TLN1: variants seen among roughly 807,000 people sequenced by gnomAD.
The protein encoded by TLN1 is talin-1.
A neutral mutation model predicts 292.3 loss-of-function variants in TLN1; 56 were observed. That is an observed-to-expected ratio of 0.19 (90% CI 0.15 to 0.24). The LOEUF is 0.24. TLN1 is among the 10% of genes least tolerant of loss of function. TLN1 has a pLI of 1.00. For synonymous variants in TLN1, 1,119 were observed against 1,253.7 expected (o/e 0.89, Z 2.27); for missense variants, 2,433 against 3,248.2 (o/e 0.75, Z 6.10).
intron 16 of TLN1, 22 bp from the exon 17 acceptor site, chr9:35,718,932 C>T (rs1825833659): frequency 6.2e-7 from 1 of 1,608,308 alleles, no homozygotes; most frequent in South Asian, 1.1e-5. Flanking sequence ...GAACACCAGT[C>T]AGAAGCTGCC....
rs550761551 is a variant in TLN1 at position 35,713,303 on chromosome 9, G to C, written c.3250-5C>G. The C allele has an allele frequency of 6.3e-6, 10 of 1,580,382 alleles. No individual in the cohort carries two copies. The South Asian group carries it at 1.1e-4, about 18-fold the overall frequency. On this transcript the variant is annotated splice_polypyrimidine_tract_variant and splice_region_variant and intron_variant, in intron 25 of 56. Transcript: ENST00000314888. ...GTCCTGGGTACACTTCTCCATCTAA[G>C]GATGAAGGGGGAAGAATTGGGCTTG...
rs1458939089 is a variant in TLN1 at position 35,719,558 on chromosome 9, T to C, written c.1648A>G (p.Ile550Val). 2.5e-6 allele frequency: 4 copies of C among 1,614,236 alleles called. No individual in the cohort carries two copies. The highest frequency in any genetic ancestry group is 1.1e-5 in the South Asian group (1 of 91,088). The change falls in exon 15 of 57, where the codon ATC becomes GTC. Residue 550 changes from isoleucine to valine, a missense_variant. Transcript: ENST00000314888. This position sits in a 1 kb window ranked among gnomAD's most constrained non-coding sequence, Gnocchi z 4.6. ...ACCACAGACGCAGTACCAGCTGTGATGGCATCTACCTGAGAGTGGATCTCA... is the reference window on the plus strand; with the variant it reads ...ACCACAGACGCAGTACCAGCTGTGACGGCATCTACCTGAGAGTGGATCTCA... ...KHEIHSQVDA[I>V]TAGTASVVNL...
At position 35,699,870 on chromosome 9, in the gene TLN1, G is replaced by C. The variant is rs1825432021; in HGVS notation, c.6768+104C>G. Reference sequence around the variant, plus strand: ...GATTTGGGAAGTAGAGGGTGGGGTAGGGAGGAGATCTGAGCAAAACAGACA... The same window carrying C: ...GATTTGGGAAGTAGAGGGTGGGGTACGGAGGAGATCTGAGCAAAACAGACA... On this transcript the variant is annotated intron_variant, in intron 50 of 56. Coordinates refer to ENST00000314888, the MANE Select transcript of TLN1 (RefSeq NM_006289.4). The surrounding 1 kb of genome is among the most constrained non-coding windows in gnomAD (Gnocchi z 4.0). 3 of 1,241,068 alleles carry C rather than the reference G, an allele frequency of 2.4e-6. No individual in the cohort carries two copies. The highest frequency in any genetic ancestry group is 4.9e-5 in the Admixed American group (2 of 40,520). 76.9% of individuals were successfully genotyped at this position (1,241,068 alleles called of 1,614,324 possible). A position where few individuals can be genotyped will look rare whatever the true frequency, so the allele number is the denominator to read the frequency against.
At position 35,714,793 on chromosome 9, in the gene TLN1, G is replaced by A. The variant is rs749311766; in HGVS notation, c.2838C>T (p.Ala946=). The change falls in exon 22 of 57, where the codon GCC becomes GCT. Residue 946 remains alanine (A), a synonymous_variant. Transcript: ENST00000314888. This position sits in a 1 kb window ranked among gnomAD's most constrained non-coding sequence, Gnocchi z 4.6. ...TCTGCACCAGCAGGGGCTGGGGGCC[G>A]GCAGAGGCCTTGGGGGTAGAGGCTG... ...QHAASTPKAS[A]GPQPLLVQSC... 30 of 1,584,276 alleles carry A rather than the reference G, an allele frequency of 1.9e-5. No individual in the cohort carries two copies. Among genetic ancestry groups the A allele is most frequent in the South Asian group, 3.5e-5 (3 of 85,514 alleles).
chr9:35,715,200 T>A lies in TLN1; in HGVS notation c.2626-13A>T. 1 of 1,606,890 alleles carries A rather than the reference T, an allele frequency of 6.2e-7. No individual in the cohort carries two copies. Among genetic ancestry groups the A allele is most frequent in the Non-Finnish European group, 8.5e-7 (1 of 1,179,544 alleles). On this transcript the variant is annotated splice_polypyrimidine_tract_variant and intron_variant, in intron 20 of 56. Transcript: ENST00000314888. ...GGGCAGCTGCTCCCTGAGGGAGAGGTGGAAAGACAGTCATCACCCAGCTCT... is the reference window on the plus strand; with the variant it reads ...GGGCAGCTGCTCCCTGAGGGAGAGGAGGAAAGACAGTCATCACCCAGCTCT...
At position 35,715,643 on chromosome 9, in the gene TLN1, A is replaced by G. The variant is rs1018015534; in HGVS notation, c.2626-456T>C. Among the ~76,000 whole-genome samples, 4 of 152,240 alleles carry G rather than the reference A, an allele frequency of 2.6e-5. No homozygotes were observed. In the East Asian group the frequency reaches 5.8e-4, roughly 22 times the overall value. ...GCTGGTGTCTCAGTGTCCTGCTGGC[A>G]GCAGAGGCCCCAGAGACTGAATGCC... On this transcript the variant is annotated intron_variant, in intron 20 of 56. Coordinates refer to ENST00000314888, the MANE Select transcript of TLN1 (RefSeq NM_006289.4).
At position 35,722,218 on chromosome 9, in the gene TLN1, G is replaced by C; in HGVS notation, c.849C>G (p.His283Gln). Residue 283 changes from histidine to glutamine, a missense_variant, in exon 9 of 57, where the codon CAC becomes CAG. Coordinates refer to ENST00000314888, the MANE Select transcript of TLN1 (RefSeq NM_006289.4). Reference protein sequence around the residue: ...QKGERKIFQAHKNCGQMSEIE... With the variant: ...QKGERKIFQAQKNCGQMSEIE... Reference sequence around the variant, plus strand: ...TCTCACTCATCTGCCCACAATTCTTGTGTGCCTGTGCATAAAATGGGGAAG... The same window carrying C: ...TCTCACTCATCTGCCCACAATTCTTCTGTGCCTGTGCATAAAATGGGGAAG... 2.5e-6 allele frequency: 4 copies of C among 1,614,060 alleles called. No individual in the cohort carries two copies. Among genetic ancestry groups the C allele is most frequent in the Non-Finnish European group, 3.4e-6 (4 of 1,179,902 alleles).
At position 35,724,942 on chromosome 9, in the gene TLN1, C is replaced by T. The variant is rs771623677; in HGVS notation, c.246G>A (p.Arg82=). 2 of 1,614,022 alleles carry T rather than the reference C, an allele frequency of 1.2e-6. No individual in the cohort carries two copies. The highest frequency in any genetic ancestry group is 1.3e-5 in the African/African-American group (1 of 74,910). ...MLRNGDTMEY[R]KKQRPLKIRM... ...GGATCTTCAGGGGTCTCTGTTTCTTCCTGTACTCCATAGTGTCCTGTTAGG... is the reference window on the plus strand; with the variant it reads ...GGATCTTCAGGGGTCTCTGTTTCTTTCTGTACTCCATAGTGTCCTGTTAGG... Residue 82 remains arginine, a synonymous_variant, in exon 4 of 57, where the codon AGG becomes AGA. Coordinates refer to ENST00000314888, the MANE Select transcript of TLN1 (RefSeq NM_006289.4). The surrounding 1 kb of genome is among the most constrained non-coding windows in gnomAD (Gnocchi z 4.7).
chr9:35,716,714 AT>A (rs201679538), intron 19 of TLN1, among the ~76,000 whole-genome samples, 158 bp from the exon 20 acceptor site: 1 of 151,868 alleles, frequency 6.6e-6, no homozygotes, highest in Non-Finnish European at 1.5e-5. Flanking sequence ...CTTTGGGGCT[AT>A]TTTTTTTCTG....
chr9:35,722,734 G>A, intron 8 of TLN1, 127 bp downstream of exon 8: 1 of 876,170 alleles, frequency 1.1e-6, no homozygotes, highest in Middle Eastern at 2.2e-4. Context: ...GGTGAGGTGG[G>A]ATAACAGCCC....
chr9:35,704,814 A>G lies in TLN1; in HGVS notation c.5735T>C (p.Ile1912Thr), dbSNP rs1268198953. Reference protein sequence around the residue: ...PAAVAAENEEIGSHIKHRVQE... With the variant: ...PAAVAAENEETGSHIKHRVQE... ...TACCCGGTGTTTGATATGGGAACCT[A>G]TCTGTGAGCCAAGGGAAAGACAGAT... is the stretch of plus-strand genomic sequence containing the variant. Residue 1912 changes from isoleucine to threonine, a missense_variant and splice_region_variant, in exon 44 of 57, where the codon ATA (isoleucine) becomes ACA (threonine). Ile to Thr is a moderately conservative substitution (Grantham distance 89). Around this residue, in one of 7 missense-constraint regions of TLN1, gnomAD observed 1,384 missense variants for 1,699.6 expected, o/e 0.81. Transcript: ENST00000314888. This position sits in a 1 kb window ranked among gnomAD's most constrained non-coding sequence, Gnocchi z 6.9. 3 of 1,613,080 alleles carry G rather than the reference A, an allele frequency of 1.9e-6. No individual in the cohort carries two copies. Among genetic ancestry groups the G allele is most frequent in the Middle Eastern group, 1.7e-4 (1 of 6,052 alleles).
chr9:35,721,573 G>A (rs1168914473), intron 10 of TLN1, 75 bp downstream of exon 10: 3 of 1,522,428 alleles, frequency 2.0e-6, no homozygotes, highest in African/African-American at 2.7e-5. Context: ...TACCCCAAGA[G>A]AGGGAAGAGA....
At chr9:35,705,909 G>A (rs1825557260) in intron 41 of TLN1, 53 bp downstream of exon 41, 4 of 1,614,122 alleles carry the variant, frequency 2.5e-6, no homozygotes, top group Non-Finnish European at 3.4e-6. Context: ...ACTGTGCTTG[G>A]AGGCTCTGGC....
Position 35,714,494 on chromosome 9 carries a change from G to A in TLN1, c.2985+80C>T, listed in dbSNP as rs1363550921. 1 of 1,583,862 alleles carries A rather than the reference G, an allele frequency of 6.3e-7. No homozygotes were observed. Among genetic ancestry groups the A allele is most frequent in the African/African-American group, 1.3e-5 (1 of 74,648 alleles). Reference sequence around the variant, plus strand: ...CTTGGTATTGGGAAAGAGGCTCTTGGCAGAGATTCAAACTGTGGGAGATGG... The same window carrying A: ...CTTGGTATTGGGAAAGAGGCTCTTGACAGAGATTCAAACTGTGGGAGATGG... On this transcript the variant is annotated intron_variant, in intron 23 of 56. Transcript: ENST00000314888. This position sits in a 1 kb window ranked among gnomAD's most constrained non-coding sequence, Gnocchi z 4.6.
chr9:35,703,224 G>A (rs1182059502), intron 48 of TLN1, among the ~76,000 whole-genome samples: 1 of 152,210 alleles, frequency 6.6e-6, no homozygotes, highest in African/African-American at 2.4e-5. Context: ...TTGAACCTGG[G>A]AGGTGGAGGT....
Position 35,699,921 on chromosome 9 carries a change from G to A in TLN1, c.6768+53C>T. On this transcript the variant is annotated intron_variant, in intron 50 of 56. Transcript: ENST00000314888. The surrounding 1 kb of genome is among the most constrained non-coding windows in gnomAD (Gnocchi z 4.0). Reference sequence around the variant, plus strand: ...GCAGGGTGCGAGGCCTGCAGGAAGAGGGCTGTGTATTCAGGGAGGCTGGTA... The same window carrying A: ...GCAGGGTGCGAGGCCTGCAGGAAGAAGGCTGTGTATTCAGGGAGGCTGGTA... 6.5e-7 allele frequency: 1 copy of A among 1,541,880 alleles called. No individual in the cohort carries two copies. Among genetic ancestry groups the A allele is most frequent in the East Asian group, 2.3e-5 (1 of 44,018 alleles).
chr9:35,707,318 C>G lies in TLN1; in HGVS notation c.4773+30G>C. On this transcript the variant is annotated intron_variant, in intron 36 of 56. Coordinates refer to ENST00000314888, the MANE Select transcript of TLN1 (RefSeq NM_006289.4). This position sits in a 1 kb window ranked among gnomAD's most constrained non-coding sequence, Gnocchi z 5.6. ...CCTGGAAGATGAGGTGATAAGCTGG[C>G]CCATCAGTTCCCCCTTCACATCGCC... 6.2e-7 allele frequency: 1 copy of G among 1,610,612 alleles called. No homozygotes were observed. Among genetic ancestry groups the G allele is most frequent in the Non-Finnish European group, 8.5e-7 (1 of 1,177,360 alleles).
rs757869013 is a variant in TLN1, at chr9:35,704,047, C to A, written c.6175G>T (p.Ala2059Ser). Residue 2059 changes from alanine to serine, a missense_variant, in exon 46 of 57, where the codon GCT (alanine) becomes TCT (serine). Transcript: ENST00000314888. The surrounding 1 kb of genome is among the most constrained non-coding windows in gnomAD (Gnocchi z 6.9). ...QSSVATITRL[A>S]DVVKLGAASL... ...GCTGCACCCAGCTTGACCACATCAG[C>A]GAGGCGGGTGATGGTCGCCACGGAG... is the stretch of plus-strand genomic sequence containing the variant. 1.2e-6 allele frequency: 2 copies of A among 1,613,850 alleles called. No homozygotes were observed. The highest frequency in any genetic ancestry group is 2.2e-5 in the South Asian group (2 of 91,054).
At position 35,697,810 on chromosome 9, in the gene TLN1, T is replaced by C. The variant is rs754964639; in HGVS notation, c.7607A>G (p.Glu2536Gly). Reference sequence around the variant, plus strand: ...GCTTCTTTAGTGCTCATCTCGAAGCTCTGAAGGCAGAAACTTGTACTGCTG... The same window carrying C: ...GCTTCTTTAGTGCTCATCTCGAAGCCCTGAAGGCAGAAACTTGTACTGCTG... ...RQQQYKFLPS[E>G]LRDEH Residue 2536 changes from glutamate (E) to glycine (G), a missense_variant, in exon 57 of 57, where the codon GAG (glutamate) becomes GGG (glycine). By Grantham distance (98) the Glu-to-Gly change is moderately conservative. Around this residue, in one of 7 missense-constraint regions of TLN1, gnomAD observed 141 missense variants for 248.5 expected, o/e 0.57. Coordinates refer to ENST00000314888, the MANE Select transcript of TLN1 (RefSeq NM_006289.4). The C allele has an allele frequency of 3.2e-5, 52 of 1,613,980 alleles. No individual in the cohort carries two copies. The highest frequency in any genetic ancestry group is 3.0e-4 in the Admixed American group (18 of 60,004).
Sources: allele counts gnomAD v4.1 joint callset (sites outside exome capture counted in the v4.1 genomes callset), GRCh38; gene constraint gnomAD v4.1.1; regional missense constraint gnomAD v4.1.1; non-coding constraint Gnocchi (gnomAD v3.1); transcripts MANE v1.5; gene names NCBI Gene and HGNC (gene_info 2026-07-23, HGNC 2026-07-21).